The following CTNND2 variants were observed in gnomAD, a reference collection of about 807,000 sequenced individuals.
CTNND2 encodes the protein catenin delta-2.
In CTNND2, 22 loss-of-function variants were observed where a neutral mutation model predicts 144.4. The observed-to-expected ratio is 0.15, with a 90% CI of 0.11 to 0.22. The LOEUF (loss-of-function observed/expected upper bound fraction) is 0.22. Ranked by LOEUF, CTNND2 falls within the 10% of genes least tolerant of loss-of-function variation. CTNND2 has a pLI of 1.00. For synonymous variants in CTNND2, 751 were observed against 695.6 expected (o/e 1.08, Z -1.25); for missense variants, 1,353 against 1,618.8 (o/e 0.84, Z 2.82).
rs901670437 is a variant in CTNND2 at position 11,588,756 on chromosome 5, A to G, written c.175-23700T>C. The stretch of plus-strand genomic sequence containing the variant: ...TTACCTTTACTGTACCTTTTGAAAT[A>G]AATGGTCCTTAAATACTTGAAAACT... On this transcript the variant is annotated intron_variant, in intron 2 of 21. Transcript: ENST00000304623. 1.8e-5 allele frequency: 18 copies of G among 985,340 alleles called. No individual in the cohort carries two copies. In the East Asian group the frequency reaches 1.8e-3, roughly 99 times the overall value. 61.0% of individuals were successfully genotyped at this position (985,340 alleles called of 1,614,324 possible).
chr5:11,144,873 C>T (rs1757098171), intron 12 of CTNND2, among the ~76,000 whole-genome samples: 1 of 152,118 alleles, frequency 6.6e-6, no homozygotes, highest in Non-Finnish European at 1.5e-5. Context: ...CAGTGCTCAG[C>T]CCCTGAGTCT....
At chr5:11,057,801 A>G (rs944317115) in intron 16 of CTNND2, among the ~76,000 whole-genome samples, 1 of 152,202 alleles carries the variant, frequency 6.6e-6, no homozygotes, top group Non-Finnish European at 1.5e-5. Flanking sequence ...TTTGCCCACA[A>G]TAATGACAGT....
intron 2 of CTNND2, among the ~76,000 whole-genome samples, chr5:11,630,266 A>G (rs1253207034): frequency 1.3e-5 from 2 of 152,196 alleles, no homozygotes; most frequent in Non-Finnish European, 2.9e-5. Flanking sequence ...TGTCTGCTAC[A>G]CACATCTCCT....
At chr5:11,366,218 A>T (rs1197677935) in intron 7 of CTNND2, among the ~76,000 whole-genome samples, 1 of 152,228 alleles carries the variant, frequency 6.6e-6, no homozygotes, top group Admixed American at 6.5e-5. Flanking sequence ...CTTGTCTAGA[A>T]TATTTGAGAA....
chr5:11,259,784 A>T (rs1291791701), intron 9 of CTNND2, among the ~76,000 whole-genome samples: 1 of 152,186 alleles, frequency 6.6e-6, no homozygotes, highest in East Asian at 1.9e-4. Flanking sequence ...GGAATAAAAG[A>T]TCTGAAAAGA....
At position 11,614,595 on chromosome 5, in the gene CTNND2, C is replaced by A. The variant is rs577816291; in HGVS notation, c.175-49539G>T. 5.3e-5 allele frequency among the ~76,000 whole-genome samples: 8 copies of A among 152,280 alleles called. No homozygotes were observed. In the East Asian group the frequency reaches 1.5e-3, roughly 29 times the overall value. On this transcript the variant is annotated intron_variant, in intron 2 of 21. Transcript: ENST00000304623. ...GAGACATGTACAAGGCTGTTCATGG[C>A]AGAAATGTTTGTAACAGCAGAAACT...
chr5:11,307,440 G>A (rs1750360170), intron 9 of CTNND2, among the ~76,000 whole-genome samples: 1 of 152,042 alleles, frequency 6.6e-6, no homozygotes, highest in South Asian at 2.1e-4. Context: ...AGACAGCAAG[G>A]CAAGGCCTGC....
chr5:11,130,265 C>CA (rs1017148000), intron 12 of CTNND2, among the ~76,000 whole-genome samples: 7 of 152,088 alleles, frequency 4.6e-5, no homozygotes, highest in African/African-American at 1.7e-4. Flanking sequence ...CCACACCCCC[C>CA]CCATCCACCC....
At chr5:11,460,371 C>G (rs1766085267) in intron 3 of CTNND2, among the ~76,000 whole-genome samples, 1 of 152,202 alleles carries the variant, frequency 6.6e-6, no homozygotes, top group African/African-American at 2.4e-5. Context: ...TTTCTGGCAT[C>G]CATTGTAATT....
chr5:11,763,888 C>T (rs1789426483), intron 1 of CTNND2, among the ~76,000 whole-genome samples: 1 of 152,064 alleles, frequency 6.6e-6, no homozygotes, highest in Non-Finnish European at 1.5e-5. Flanking sequence ...GACTCCCAAT[C>T]AAGGGTCCAC....
At chr5:11,347,267 A>C (rs1474202170) in intron 8 of CTNND2, among the ~76,000 whole-genome samples, 1 of 152,174 alleles carries the variant, frequency 6.6e-6, no homozygotes, top group Non-Finnish European at 1.5e-5. Flanking sequence ...TGTCACAGAA[A>C]CAAACACATT....
At chr5:11,546,472 T>C (rs762922159) in intron 3 of CTNND2, among the ~76,000 whole-genome samples, 9 of 152,174 alleles carry the variant, frequency 5.9e-5, no homozygotes, top group Non-Finnish European at 1.2e-4. Flanking sequence ...AGATTGCTTA[T>C]ATAAAAACCC....
intron 9 of CTNND2, among the ~76,000 whole-genome samples, chr5:11,304,089 T>G (rs1749908904): frequency 6.6e-6 from 1 of 152,098 alleles, no homozygotes; most frequent in Non-Finnish European, 1.5e-5. Flanking sequence ...GTGAGTCCAT[T>G]AAATCTCTTT....
chr5:11,423,202 AGTTTGTGTAGTTT>A (rs1762508399), intron 3 of CTNND2, among the ~76,000 whole-genome samples: 1 of 152,214 alleles, frequency 6.6e-6, no homozygotes, highest in African/African-American at 2.4e-5. Flanking sequence ...CAAACTGAAT[AGTTTGTGTAGTTT>A]GTGTGCTTGG....
intron 9 of CTNND2, among the ~76,000 whole-genome samples, chr5:11,291,924 C>T (rs540173155): frequency 1.3e-5 from 2 of 152,158 alleles, no homozygotes; most frequent in East Asian, 1.9e-4. Context: ...CTATACAAAC[C>T]AGCTATACAA....
chr5:11,442,005 C>T (rs1764311957), intron 3 of CTNND2, among the ~76,000 whole-genome samples: 1 of 152,042 alleles, frequency 6.6e-6, no homozygotes, highest in Non-Finnish European at 1.5e-5. Context: ...TTTGATGCGC[C>T]TTTAAATCCA....
At chr5:11,487,061 A>AT (rs371487273) in intron 3 of CTNND2, among the ~76,000 whole-genome samples, 4 of 152,274 alleles carry the variant, frequency 2.6e-5, no homozygotes, top group Non-Finnish European at 5.9e-5. Flanking sequence ...TGAGTTACAT[A>AT]TTTTTTATTC....
chr5:11,831,304 A>G (rs541825182), intron 1 of CTNND2, among the ~76,000 whole-genome samples: 1 of 152,198 alleles, frequency 6.6e-6, no homozygotes, highest in Admixed American at 6.5e-5. Flanking sequence ...GCCTCAATCA[A>G]GACCCAATAT....
At chr5:11,262,313 A>G (rs537917460) in intron 9 of CTNND2, among the ~76,000 whole-genome samples, 1 of 152,142 alleles carries the variant, frequency 6.6e-6, no homozygotes, top group African/African-American at 2.4e-5. Flanking sequence ...GAAGGTAACC[A>G]ATGTGCTTTT....
Sources: allele counts gnomAD v4.1 joint callset (sites outside exome capture counted in the v4.1 genomes callset), GRCh38; gene constraint gnomAD v4.1.1; transcripts MANE v1.5; gene names NCBI Gene and HGNC (gene_info 2026-07-23, HGNC 2026-07-21).